Variants in PIEZO1 observed in about 807,000 individuals in gnomAD.
PIEZO1 encodes piezo type mechanosensitive ion channel component 1 (Er blood group), also known as piezo-type mechanosensitive ion channel component 1.
PIEZO1 carries 296 observed loss-of-function variants against 297.2 expected under a neutral mutation model. That is an observed-to-expected ratio of 1.00 (90% CI 0.91 to 1.10). The LOEUF is 1.10. Among genes scored for constraint, PIEZO1 ranks in the 50% least tolerant of loss-of-function variants. The pLI is 0.00. For missense variants in PIEZO1, 5,018 were observed against 3,455.5 expected (o/e 1.45, Z -11.34); for synonymous variants, 2,427 against 1,507.5 (o/e 1.61, Z -14.13).
chr16:88,715,489 T>A lies in PIEZO1; in HGVS notation c.*116A>T. ...GGCTCAGGCAGGCCGGGAGGATGCATCACAGCTGGCGGCCTTGGACGGGGC... is the reference window on the plus strand; with the variant it reads ...GGCTCAGGCAGGCCGGGAGGATGCAACACAGCTGGCGGCCTTGGACGGGGC... On this transcript the variant is annotated 3_prime_UTR_variant, in exon 51 of 51. Coordinates refer to ENST00000301015, the MANE Select transcript of PIEZO1 (RefSeq NM_001142864.4). The A allele has an allele frequency of 8.8e-7, 1 of 1,137,458 alleles. No individual in the cohort carries two copies. Among genetic ancestry groups the A allele is most frequent in the Non-Finnish European group, 1.2e-6 (1 of 804,824 alleles). 70.5% of individuals were successfully genotyped at this position (1,137,458 alleles called of 1,614,324 possible).
chr16:88,721,455 G>A (rs1317957539), intron 38 of PIEZO1, 25 bp from the exon 39 acceptor site: 2 of 1,540,766 alleles, frequency 1.3e-6, no homozygotes, highest in South Asian at 2.4e-5. Context: ...GGTGTGGTGA[G>A]GGGGCCTTGC....
At position 88,751,943 on chromosome 16, in the gene PIEZO1, C is replaced by T. The variant is rs745533614; in HGVS notation, c.65-2464G>A. Among the ~76,000 whole-genome samples the T allele has an allele frequency of 3.3e-5, 5 of 152,274 alleles. No homozygotes were observed. The East Asian group carries it at 9.7e-4, about 29-fold the overall frequency. On this transcript the variant is annotated intron_variant, in intron 1 of 50. Coordinates refer to ENST00000301015, the MANE Select transcript of PIEZO1 (RefSeq NM_001142864.4). ...TCAACAAGTGCACCAGGGTTGGGTT[C>T]GAAGCCCGTGGCAGGGCACCTTAGT...
At chr16:88,747,230 C>CG (rs199884541) in intron 2 of PIEZO1, among the ~76,000 whole-genome samples, 1 of 115,878 alleles carries the variant, frequency 8.6e-6, no homozygotes, top group African/African-American at 3.0e-5. Flanking sequence ...GACCCCCACT[C>CG]GAAAAAAAAA....
At chr16:88,784,728 G>T (rs1339185222) in intron 1 of PIEZO1, among the ~76,000 whole-genome samples, 173 bp downstream of exon 1, 3 of 151,622 alleles carry the variant, frequency 2.0e-5, no homozygotes, top group African/African-American at 7.3e-5. Context: ...CCCCGCCGCC[G>T]CCTGGCGCGC....
rs9940889 is a variant in PIEZO1 at position 88,733,761 on chromosome 16, G to A, written c.2330-16C>T. 3,774 of 1,528,768 alleles carry A rather than the reference G, an allele frequency of 2.5e-3. 53 individuals are homozygous for A. The African/African-American group carries it at 0.035, about 14-fold the overall frequency. 94.7% of individuals were successfully genotyped at this position (1,528,768 alleles called of 1,614,324 possible). ...TTGGCTGCCCCTGTGATGGTGTGAG[G>A]GTCAGTGCGGGGCACAAACGGGGAT... is the stretch of plus-strand genomic sequence containing the variant. On this transcript the variant is annotated splice_polypyrimidine_tract_variant and intron_variant, in intron 17 of 50. Transcript: ENST00000301015.
intron 1 of PIEZO1, 84 bp from the exon 2 acceptor site, chr16:88,749,563 C>A (rs528374450): frequency 9.7e-7 from 1 of 1,033,436 alleles, no homozygotes. Flanking sequence ...CGGCCCAGCT[C>A]GTCACACCGC....
chr16:88,762,690 T>C (rs1271476431), intron 1 of PIEZO1, among the ~76,000 whole-genome samples: 1 of 152,216 alleles, frequency 6.6e-6, no homozygotes, highest in East Asian at 1.9e-4. Flanking sequence ...CTGAGCTGTG[T>C]GCCAGGAAGT....
chr16:88,745,712 G>GCA (rs1906006886), intron 2 of PIEZO1: 1 of 131,498 alleles, frequency 7.6e-6, no homozygotes, highest in African/African-American at 2.9e-5. Context: ...TCGCGCCACT[G>GCA]CACTCCAGCC....
intron 2 of PIEZO1, chr16:88,745,320 C>T: frequency 1.6e-5 from 1 of 61,702 alleles, no homozygotes; most frequent in Non-Finnish European, 3.4e-5. Flanking sequence ...TGGCCGGCAA[C>T]CGCCCTTCAG....
At chr16:88,767,262 T>G (rs1907220832) in intron 1 of PIEZO1, among the ~76,000 whole-genome samples, 1 of 152,310 alleles carries the variant, frequency 6.6e-6, no homozygotes, top group African/African-American at 2.4e-5. Flanking sequence ...CAGGGCCATC[T>G]GCAAGGGCAT....
intron 1 of PIEZO1, among the ~76,000 whole-genome samples, chr16:88,769,595 C>T (rs1033509151): frequency 1.7e-4 from 26 of 152,208 alleles, no homozygotes; most frequent in Admixed American, 7.2e-4. Context: ...TCACATCGGC[C>T]GGCTCCATTC....
chr16:88,741,444 C>T, intron 5 of PIEZO1, 34 bp downstream of exon 5: 2 of 1,512,088 alleles, frequency 1.3e-6, no homozygotes, highest in Admixed American at 2.1e-5. Flanking sequence ...CTCGAATGAC[C>T]TCCCTGACAC....
chr16:88,752,488 A>G (rs1045328608), intron 1 of PIEZO1, among the ~76,000 whole-genome samples: 3 of 152,180 alleles, frequency 2.0e-5, no homozygotes, highest in African/African-American at 7.2e-5. Context: ...TCAGGAAACA[A>G]AGCTTTATGG....
At chr16:88,740,771 G>A (rs1163676444) in intron 5 of PIEZO1, 1 of 152,340 alleles carries the variant, frequency 6.6e-6, no homozygotes. Context: ...GGTGGGAGGA[G>A]GCTGGGTGCC....
Position 88,738,316 on chromosome 16 carries a change from C to T in PIEZO1, c.759G>A (p.Gly253=). ...AGATGAGATGGCCGGCGCCGAAGCA[C>T]CCCACCGCGACGCAGAGTCTGCTGA... ...RGFSRLCVAV[G]CFGAGHLICL... Residue 253 remains glycine, a synonymous_variant, in exon 7 of 51, where the codon GGG becomes GGA. Transcript: ENST00000301015. 6 of 1,535,866 alleles carry T rather than the reference C, an allele frequency of 3.9e-6. No individual in the cohort carries two copies. Among genetic ancestry groups the T allele is most frequent in the Non-Finnish European group, 5.2e-6 (6 of 1,146,818 alleles).
chr16:88,722,146 A>T lies in PIEZO1; in HGVS notation c.4955+72T>A, dbSNP rs1219144384. The T allele has an allele frequency of 2.6e-6, 4 of 1,520,952 alleles. No individual in the cohort carries two copies. In the African/African-American group the frequency reaches 5.5e-5, roughly 21 times the overall value. The allele number at this position is 1,520,952 out of a possible 1,614,324, so 94.2% of individuals were successfully genotyped here. A position where few individuals can be genotyped will look rare whatever the true frequency, so the allele number is the denominator to read the frequency against. On this transcript the variant is annotated intron_variant, in intron 36 of 50. Coordinates refer to ENST00000301015, the MANE Select transcript of PIEZO1 (RefSeq NM_001142864.4). ...GCCCGATCTGTTGCCGGTCACAGTC[A>T]GTCTCCTGCCCCTGTTCGGCTGCTC...
rs1191406992 is a variant in PIEZO1 at position 88,738,037 on chromosome 16, G to A, written c.917C>T (p.Thr306Ile). 1 of 1,535,794 alleles carries A rather than the reference G, an allele frequency of 6.5e-7. No homozygotes were observed. The highest frequency in any genetic ancestry group is 8.7e-7 in the Non-Finnish European group (1 of 1,146,824). ...GGCATACACAGGCCAGTCCAGGCCG[G>A]TGTTGAGGACCAGCGCGTGGGGGCT... ...CSSPHALVLN[T>I]GLDWPVYASP... The change falls in exon 8 of 51, where the codon ACC (threonine) becomes ATC (isoleucine). Residue 306 changes from threonine to isoleucine, a missense_variant. Transcript: ENST00000301015.
Position 88,726,556 on chromosome 16 carries a change from A to G in PIEZO1, c.3787T>C (p.Tyr1263His). The G allele has an allele frequency of 6.5e-7, 1 of 1,549,846 alleles. No homozygotes were observed. Among genetic ancestry groups the G allele is most frequent in the Non-Finnish European group, 8.7e-7 (1 of 1,146,584 alleles). The change falls in exon 26 of 51, where the codon TAC (tyrosine) becomes CAC (histidine). Residue 1263 changes from tyrosine (Y) to histidine (H), a missense_variant. By Grantham distance (83) the Tyr-to-His change is moderately conservative. Transcript: ENST00000301015. ...CGTCCTGGCCACTCACGGTCATAGT[A>G]GCCCTTGACGGTGCATACAAGGCTG... ...LFSLVCTVKG[Y>H]YDPKEMMDRD...
At position 88,732,201 on chromosome 16, in the gene PIEZO1, G is replaced by C; in HGVS notation, c.2991+134C>G. The stretch of plus-strand genomic sequence containing the variant: ...CAGGAGTCCAGGGAAGCCGTGCCTG[G>C]CCCTGAGTCCCCCACCCTCTGTGGC... On this transcript the variant is annotated intron_variant, in intron 21 of 50. Transcript: ENST00000301015. The C allele has an allele frequency of 8.3e-6, 6 of 722,844 alleles. No individual in the cohort carries two copies. The South Asian group carries it at 1.1e-4, about 13-fold the overall frequency. 44.8% of individuals were successfully genotyped at this position (722,844 alleles called of 1,614,324 possible). A position where few individuals can be genotyped will look rare whatever the true frequency, so the allele number is the denominator to read the frequency against.
Sources: allele counts gnomAD v4.1 joint callset (sites outside exome capture counted in the v4.1 genomes callset), GRCh38; gene constraint gnomAD v4.1.1; transcripts MANE v1.5; gene names NCBI Gene and HGNC (gene_info 2026-07-23, HGNC 2026-07-21).